Variants in GSTM4 observed in about 807,000 individuals in gnomAD.
GSTM4 encodes the protein glutathione S-transferase mu 4, also known as GST class-mu 4.
In GSTM4, 27 loss-of-function variants were observed where a neutral mutation model predicts 30.1. That is an observed-to-expected ratio of 0.90 (90% CI 0.66 to 1.24). The LOEUF (loss-of-function observed/expected upper bound fraction) is 1.24, where lower values mean the gene tolerates loss of function less well. Ranked by LOEUF, GSTM4 falls within the 50% of genes most tolerant of loss-of-function variation. The pLI is 0.00. For synonymous variants in GSTM4, 94 were observed against 96.2 expected (o/e 0.98, Z 0.13); for missense variants, 238 against 272.1 (o/e 0.87, Z 0.88).
downstream of GSTM4, chr1:109,665,276 C>A (rs892053872): frequency 1.5e-5 from 9 of 585,936 alleles, no homozygotes; most frequent in Non-Finnish European, 2.4e-5. Flanking sequence ...GGGACCTCCA[C>A]ACTCCTGGTT....
downstream of GSTM4, among the ~76,000 whole-genome samples, chr1:109,663,854 G>T (rs1302367330): frequency 6.6e-6 from 1 of 152,206 alleles, no homozygotes; most frequent in African/African-American, 2.4e-5. Context: ...ACAGGTGTTT[G>T]CATATCACCT....
At chr1:109,660,823 T>C in intron 7 of GSTM4, 1 of 302,914 alleles carries the variant, frequency 3.3e-6, no homozygotes, top group Non-Finnish European at 6.2e-6. Flanking sequence ...ACTGAACTTC[T>C]GTTTCCCACA....
chr1:109,658,615 G>C (rs1652146367), intron 5 of GSTM4, 199 bp from the exon 6 acceptor site: 1 of 602,640 alleles, frequency 1.7e-6, no homozygotes, highest in African/African-American at 1.9e-5. Context: ...ATTCCTCTCT[G>C]CCTTCCCATC....
chr1:109,656,881 CCCCTGCTGGAGCTGCAGGCTGTCCCTT>C, intron 2 of GSTM4, 94 bp downstream of exon 2: 1 of 1,240,138 alleles, frequency 8.1e-7, no homozygotes, highest in South Asian at 1.2e-5. Context: ...CTGCAGGCCT[CCCCTGCTGGAGCTGCAGGCTGTCCCTT>C]CCCTGAGCCC....
downstream of GSTM4, among the ~76,000 whole-genome samples, chr1:109,662,360 A>G (rs1317706521): frequency 1.3e-5 from 2 of 152,170 alleles, no homozygotes; most frequent in African/African-American, 4.8e-5. Context: ...TGTCTTCCAC[A>G]CTGACTGACT....
rs1237864281 is a variant in GSTM4, at chr1:109,661,616, A to AAGGAG, written c.*362_*363insAGGAG. The AAGGAG allele has an allele frequency of 7.4e-5, 89 of 1,208,848 alleles. 1 individual carries two copies. In the East Asian group the frequency reaches 2.5e-3, roughly 34 times the overall value. 74.9% of individuals were successfully genotyped at this position (1,208,848 alleles called of 1,614,324 possible). A position where few individuals can be genotyped will look rare whatever the true frequency, so the allele number is the denominator to read the frequency against. On this transcript the variant is annotated 3_prime_UTR_variant, in exon 8 of 8. Coordinates refer to ENST00000369836, the MANE Select transcript of GSTM4 (RefSeq NM_000850.5). ...CCCTGAGCTGTCCCCGTGTTGCATG[A>AAGGAG]CAGCATTGACTGGTTTACAGGCCCT...
At position 109,656,385 on chromosome 1, in the gene GSTM4, G is replaced by C. The variant is rs1238536152; in HGVS notation, c.-5G>C. 1 of 1,613,872 alleles carries C rather than the reference G, an allele frequency of 6.2e-7. No individual in the cohort carries two copies. The highest frequency in any genetic ancestry group is 2.2e-5 in the East Asian group (1 of 44,846). ...CTGTCTGCAGAATCGACACCAACCA[G>C]CATCATGTCCATGACACTGGGGTAC... On this transcript the variant is annotated 5_prime_UTR_variant, in exon 1 of 8. Transcript: ENST00000369836.
In GSTM4 at chr1:109,656,298, C is replaced by G. The variant is rs1011175637; in HGVS notation, c.-92C>G. The stretch of plus-strand genomic sequence containing the variant: ...CGGGGCCGAGGGGGCGGGTCTGGCG[C>G]TAGGTCCAGCCCCTGCGTGCCGGGA... On this transcript the variant is annotated 5_prime_UTR_variant, in exon 1 of 8. Transcript: ENST00000369836. 5.4e-6 allele frequency: 7 copies of G among 1,296,168 alleles called. No homozygotes were observed. The highest frequency in any genetic ancestry group is 1.5e-5 in the African/African-American group (1 of 68,756). The allele number at this position is 1,296,168 out of a possible 1,614,324, so 80.3% of individuals were successfully genotyped here. A position where few individuals can be genotyped will look rare whatever the true frequency, so the allele number is the denominator to read the frequency against.
downstream of GSTM4, among the ~76,000 whole-genome samples, chr1:109,662,663 A>G (rs932266239): frequency 6.6e-6 from 1 of 152,258 alleles, no homozygotes; most frequent in Non-Finnish European, 1.5e-5. Context: ...GGTGCTCAAC[A>G]TTATTAGAAA....
chr1:109,656,664 G>C, intron 1 of GSTM4, 48 bp from the exon 2 acceptor site: 1 of 1,586,752 alleles, frequency 6.3e-7, no homozygotes, highest in Non-Finnish European at 8.6e-7. Flanking sequence ...AAGTCACCAA[G>C]TCAGGGACCC....
At chr1:109,666,436 T>C (rs1053747206), downstream of GSTM4, among the ~76,000 whole-genome samples, 1 of 152,206 alleles carries the variant, frequency 6.6e-6, no homozygotes, top group African/African-American at 2.4e-5. Context: ...AGCTGCAGGG[T>C]AGGCCTGCTG....
At chr1:109,667,313 T>C (rs1235495963), downstream of GSTM4, among the ~76,000 whole-genome samples, 1 of 151,782 alleles carries the variant, frequency 6.6e-6, no homozygotes, top group Non-Finnish European at 1.5e-5. Context: ...TTTTTTTTTT[T>C]AACTTTTTAT....
At chr1:109,663,059 C>T (rs1652365969), downstream of GSTM4, among the ~76,000 whole-genome samples, 1 of 152,146 alleles carries the variant, frequency 6.6e-6, no homozygotes, top group South Asian at 2.1e-4. Context: ...TGAAAATAAA[C>T]ATGCTAACAC....
chr1:109,666,808 C>G (rs942994696), downstream of GSTM4, among the ~76,000 whole-genome samples: 3 of 152,168 alleles, frequency 2.0e-5, no homozygotes, highest in African/African-American at 7.2e-5. Flanking sequence ...TCACTACAAC[C>G]TCCACCTCCC....
chr1:109,661,314 T>C lies in GSTM4; in HGVS notation c.*60T>C. Reference sequence around the variant, plus strand: ...CATACTCAGCCTGCTGCCCAGGCTGTGCAGCGCAGCTGGACTCTGCATCCC... The same window carrying C: ...CATACTCAGCCTGCTGCCCAGGCTGCGCAGCGCAGCTGGACTCTGCATCCC... On this transcript the variant is annotated 3_prime_UTR_variant, in exon 8 of 8. Coordinates refer to ENST00000369836, the MANE Select transcript of GSTM4 (RefSeq NM_000850.5). The C allele has an allele frequency of 6.2e-7, 1 of 1,610,786 alleles. No individual in the cohort carries two copies. The highest frequency in any genetic ancestry group is 1.1e-5 in the South Asian group (1 of 90,968).
downstream of GSTM4, among the ~76,000 whole-genome samples, chr1:109,663,125 A>G (rs940919995): frequency 2.0e-5 from 3 of 152,250 alleles, no homozygotes; most frequent in Admixed American, 6.5e-5. Context: ...GGATCCAGAC[A>G]GGAGAAAGGA....
In GSTM4 at chr1:109,659,367, TCC is replaced by T; in HGVS notation, c.567+259_567+260del. ...GAGAGGGTCAGTCCTTTGTTCTGGG[TCC>T]CAGAGCCAGTGGAGGCTGTGCTGGG... On this transcript the variant is annotated intron_variant, in intron 7 of 7. Coordinates refer to ENST00000369836, the MANE Select transcript of GSTM4 (RefSeq NM_000850.5). The T allele has an allele frequency of 3.4e-6, 5 of 1,482,670 alleles. No homozygotes were observed. The South Asian group carries it at 6.9e-5, about 21-fold the overall frequency. The allele number at this position is 1,482,670 out of a possible 1,614,324, so 91.8% of individuals were successfully genotyped here.
chr1:109,659,642 C>T, intron 7 of GSTM4: 1 of 357,158 alleles, frequency 2.8e-6, no homozygotes, highest in East Asian at 7.5e-5. Flanking sequence ...ATCAGACCCC[C>T]ACGTGGGGAA....
chr1:109,665,036 C>T (rs146102189), downstream of GSTM4: 1,954 of 1,545,546 alleles, frequency 1.3e-3, 4 homozygotes, highest in South Asian at 1.7e-3. Context: ...ATGTGATGGT[C>T]AATTTTCTGC....
Sources: allele counts gnomAD v4.1 joint callset (sites outside exome capture counted in the v4.1 genomes callset), GRCh38; gene constraint gnomAD v4.1.1; transcripts MANE v1.5; gene names NCBI Gene and HGNC (gene_info 2026-07-23, HGNC 2026-07-21).